The following GSK3B variants were observed in gnomAD, a reference collection of about 807,000 sequenced individuals.
GSK3B encodes glycogen synthase kinase 3 beta.
GSK3B carries 15 observed loss-of-function variants against 56.4 expected under a neutral mutation model. The ratio of observed to expected loss-of-function variants is 0.27; its 90% CI spans 0.18 to 0.41. GSK3B has a LOEUF of 0.41. Ranked by LOEUF, GSK3B falls within the 10% of genes least tolerant of loss-of-function variation. The probability of loss-of-function intolerance (pLI) is 1.00; values close to 1 mark genes in which losing one functional copy is unlikely to be tolerated. For synonymous variants in GSK3B, 181 were observed against 188.9 expected, an observed-to-expected ratio of 0.96 and a Z score of 0.34; for missense variants, 300 against 513.4, an observed-to-expected ratio of 0.58 and a Z score of 4.02.
chr3:120,070,116 G>A (rs1576308615), intron 1 of GSK3B, among the ~76,000 whole-genome samples: 1 of 151,970 alleles, frequency 6.6e-6, no homozygotes, highest in South Asian at 2.1e-4. Flanking sequence ...GGGAGGCTGA[G>A]GCAGAAGAAT....
At chr3:119,933,541 C>G (rs556633332) in intron 3 of GSK3B, among the ~76,000 whole-genome samples, 4 of 152,262 alleles carry the variant, frequency 2.6e-5, no homozygotes, top group African/African-American at 9.6e-5. Context: ...CAAAAACATG[C>G]TTTAAAATAA....
At chr3:120,035,048 G>A (rs867299279) in intron 1 of GSK3B, among the ~76,000 whole-genome samples, 5 of 152,044 alleles carry the variant, frequency 3.3e-5, no homozygotes, top group South Asian at 2.1e-4. Flanking sequence ...AGCTGAGATC[G>A]TGCCACTGCA....
At chr3:119,894,114 A>G (rs886947335) in intron 7 of GSK3B, among the ~76,000 whole-genome samples, 1 of 152,110 alleles carries the variant, frequency 6.6e-6, no homozygotes, top group African/African-American at 2.4e-5. Flanking sequence ...ATTTAATATA[A>G]ATAGAATGGA....
chr3:119,907,127 T>C (rs905143641), intron 6 of GSK3B, among the ~76,000 whole-genome samples: 6 of 152,128 alleles, frequency 3.9e-5, no homozygotes, highest in African/African-American at 1.4e-4. Flanking sequence ...GCGGAAAAGA[T>C]GTATCTCCTT....
At chr3:119,993,270 C>T (rs564288098) in intron 2 of GSK3B, among the ~76,000 whole-genome samples, 17 of 151,690 alleles carry the variant, frequency 1.1e-4, no homozygotes, top group African/African-American at 4.1e-4. Flanking sequence ...TAGAAAGAAT[C>T]GAAAAGAAAT....
chr3:119,873,178 CT>C (rs1430992998), intron 8 of GSK3B, among the ~76,000 whole-genome samples: 1 of 152,040 alleles, frequency 6.6e-6, no homozygotes, highest in Non-Finnish European at 1.5e-5. Flanking sequence ...CCCAGGGCAA[CT>C]TATTGGAGTT....
intron 2 of GSK3B, among the ~76,000 whole-genome samples, chr3:119,994,225 C>T (rs1181455894): frequency 6.6e-6 from 1 of 151,786 alleles, no homozygotes; most frequent in Non-Finnish European, 1.5e-5. Flanking sequence ...AAATGAGAGT[C>T]AATGAGTCCA....
At chr3:119,849,110 CA>C (rs1014372074) in intron 9 of GSK3B, among the ~76,000 whole-genome samples, 2 of 151,360 alleles carry the variant, frequency 1.3e-5, no homozygotes, top group African/African-American at 4.9e-5. Context: ...GCTCCAGGTA[CA>C]AAAAAAAGCA....
At chr3:120,075,825 G>T (rs115379820) in intron 1 of GSK3B, among the ~76,000 whole-genome samples, 1 of 151,874 alleles carries the variant, frequency 6.6e-6, no homozygotes, top group Admixed American at 6.6e-5. Flanking sequence ...CAGATTCAAC[G>T]CAATTCCTAT....
At chr3:119,963,649 G>A (rs931581827) in intron 2 of GSK3B, among the ~76,000 whole-genome samples, 192 of 126,292 alleles carry the variant, frequency 1.5e-3, no homozygotes, top group East Asian at 1.6e-3. Flanking sequence ...AAAAAAGAAA[G>A]AAAAAAAGAA....
intron 8 of GSK3B, among the ~76,000 whole-genome samples, chr3:119,871,393 A>G (rs79395216): frequency 0.026 from 3,928 of 152,320 alleles, 176 homozygotes; most frequent in African/African-American, 0.088. Flanking sequence ...AGCTACAGAC[A>G]CTTTACTATT....
At chr3:119,919,582 A>G (rs528286944) in intron 4 of GSK3B, among the ~76,000 whole-genome samples, 9 of 152,114 alleles carry the variant, frequency 5.9e-5, no homozygotes, top group South Asian at 2.1e-4. Context: ...GGGGAGAAAG[A>G]AAGGAGTGCT....
chr3:120,093,118 G>GA (rs1199742297), intron 1 of GSK3B, among the ~76,000 whole-genome samples: 30 of 152,228 alleles, frequency 2.0e-4, no homozygotes, highest in African/African-American at 6.7e-4. Flanking sequence ...GTTTGAAATC[G>GA]AATCATCCAA....
intron 1 of GSK3B, among the ~76,000 whole-genome samples, chr3:120,075,510 T>TA (rs1159775581): frequency 1.3e-5 from 2 of 152,186 alleles, no homozygotes; most frequent in East Asian, 3.8e-4. Flanking sequence ...GAAAAACTGT[T>TA]AGATTGAATA....
At chr3:119,931,221 G>A (rs146274815) in intron 3 of GSK3B, among the ~76,000 whole-genome samples, 3 of 152,300 alleles carry the variant, frequency 2.0e-5, no homozygotes, top group Non-Finnish European at 2.9e-5. Flanking sequence ...TCTAGCACTC[G>A]TAATTTTCTG....
chr3:119,847,178 A>T (rs982036616), intron 9 of GSK3B, among the ~76,000 whole-genome samples: 1 of 152,076 alleles, frequency 6.6e-6, no homozygotes, highest in Non-Finnish European at 1.5e-5. Flanking sequence ...TAGGAGAAAT[A>T]CCTAATGTAG....
intron 7 of GSK3B, among the ~76,000 whole-genome samples, chr3:119,888,602 T>A (rs2056466522): frequency 6.6e-6 from 1 of 152,038 alleles, no homozygotes. Context: ...CAATATGAAA[T>A]CGGTGCACCT....
chr3:119,901,727 T>C (rs893851551), intron 7 of GSK3B, among the ~76,000 whole-genome samples: 12 of 152,182 alleles, frequency 7.9e-5, no homozygotes, highest in African/African-American at 2.2e-4. Flanking sequence ...CAAACCTTAA[T>C]TGAAAATTAT....
At chr3:119,862,524 T>TAAAAA (rs5852229) in intron 9 of GSK3B, among the ~76,000 whole-genome samples, 237 of 109,316 alleles carry the variant, frequency 2.2e-3, no homozygotes, top group Middle Eastern at 5.1e-3. Context: ...TAGAGTATAA[T>TAAAAA]AAAAAAAAAA....
Sources: allele counts gnomAD v4.1 joint callset (sites outside exome capture counted in the v4.1 genomes callset), GRCh38; gene constraint gnomAD v4.1.1; transcripts MANE v1.5; gene names NCBI Gene and HGNC (gene_info 2026-07-23, HGNC 2026-07-21).